DLGAP2: variants seen among roughly 807,000 people sequenced by gnomAD.
DLGAP2 encodes the protein disks large-associated protein 2.
In DLGAP2, 26 loss-of-function variants were observed where a neutral mutation model predicts 100.3. The observed-to-expected ratio is 0.26, with a 90% CI of 0.19 to 0.36. The LOEUF (loss-of-function observed/expected upper bound fraction) is 0.36, where lower values mean the gene tolerates loss of function less well. Ranked by LOEUF, DLGAP2 falls within the 10% of genes least tolerant of loss-of-function variation. The pLI is 1.00. For synonymous variants in DLGAP2, 886 were observed against 630.1 expected, an observed-to-expected ratio of 1.41 and a Z score of -6.08; for missense variants, 1,858 against 1,453.2, an observed-to-expected ratio of 1.28 and a Z score of -4.53.
At chr8:1,457,587 C>T (rs1798349827) in intron 3 of DLGAP2, among the ~76,000 whole-genome samples, 1 of 152,170 alleles carries the variant, frequency 6.6e-6, no homozygotes, top group African/African-American at 2.4e-5. Context: ...CGCAAACCAG[C>T]TTCATTTTGA....
chr8:945,923 A>G (rs917894235), intron 2 of DLGAP2, among the ~76,000 whole-genome samples: 9 of 152,104 alleles, frequency 5.9e-5, no homozygotes, highest in Non-Finnish European at 1.3e-4. Flanking sequence ...AGACATGGGA[A>G]GTTCCTGGAA....
At chr8:1,364,358 C>A (rs1213801035) in intron 3 of DLGAP2, among the ~76,000 whole-genome samples, 1 of 152,186 alleles carries the variant, frequency 6.6e-6, no homozygotes, top group Non-Finnish European at 1.5e-5. Flanking sequence ...TCGTGATCGT[C>A]AAGGGCTGCC....
chr8:1,290,271 GACGTGGCTACACACGGT>G (rs1800029323), intron 3 of DLGAP2, among the ~76,000 whole-genome samples: 1 of 152,198 alleles, frequency 6.6e-6, no homozygotes, highest in Admixed American at 6.5e-5. Context: ...TCGCGCTCCT[GACGTGGCTACACACGGT>G]GCATCCAATT....
At position 1,227,163 on chromosome 8, in the gene DLGAP2, T is replaced by G. The variant is rs1024062729; in HGVS notation, c.74-31688T>G. Among the ~76,000 whole-genome samples, 52 of 137,644 alleles carry G rather than the reference T, an allele frequency of 3.8e-4. 5 individuals are homozygous for G. The highest frequency in any genetic ancestry group is 1.3e-3 in the African/African-American group (45 of 34,574). 90.3% of individuals were successfully genotyped at this position (137,644 alleles called of 152,430 possible). A position where few individuals can be genotyped will look rare whatever the true frequency, so the allele number is the denominator to read the frequency against. ...GTAAGGAAACTGTGAGATATATATA[T>G]ATATATATATAGTATAGATATATAT... On this transcript the variant is annotated intron_variant, in intron 2 of 14. Transcript: ENST00000637795.
intron 2 of DLGAP2, among the ~76,000 whole-genome samples, chr8:1,120,444 T>A (rs73670645): frequency 7.0e-4 from 107 of 152,276 alleles, no homozygotes; most frequent in African/African-American, 2.0e-3. Flanking sequence ...GACTGTCCAT[T>A]CTAGACCCTT....
intron 1 of DLGAP2, among the ~76,000 whole-genome samples, chr8:904,974 C>T (rs1301137392): frequency 1.3e-5 from 2 of 152,200 alleles, no homozygotes; most frequent in East Asian, 3.9e-4. Flanking sequence ...CGGCAAGCGA[C>T]GTGTGCTCAG....
chr8:1,422,078 C>T (rs972427680), intron 3 of DLGAP2, among the ~76,000 whole-genome samples: 8 of 152,084 alleles, frequency 5.3e-5, no homozygotes, highest in African/African-American at 1.7e-4. Flanking sequence ...GGCGAGGCTG[C>T]GTTTGTTACT....
At chr8:1,456,399 C>G (rs1430154926) in intron 3 of DLGAP2, among the ~76,000 whole-genome samples, 1 of 152,160 alleles carries the variant, frequency 6.6e-6, no homozygotes, top group Non-Finnish European at 1.5e-5. Context: ...ATCTAAACAT[C>G]AAAGCATTTT....
chr8:772,512 G>A (rs905424821), intron 1 of DLGAP2, among the ~76,000 whole-genome samples: 2 of 151,780 alleles, frequency 1.3e-5, no homozygotes, highest in African/African-American at 2.4e-5. Flanking sequence ...TAGTAGAGAC[G>A]GGGTTTCACC....
At position 1,150,422 on chromosome 8, in the gene DLGAP2, C is replaced by G. The variant is rs111898140; in HGVS notation, c.74-108429C>G. 6.5e-3 allele frequency among the ~76,000 whole-genome samples: 984 copies of G among 152,330 alleles called. 9 individuals are homozygous for G. The highest frequency in any genetic ancestry group is 0.015 in the South Asian group (71 of 4,826). On this transcript the variant is annotated intron_variant, in intron 2 of 14. Coordinates refer to ENST00000637795, the MANE Select transcript of DLGAP2 (RefSeq NM_001346810.2). ...TTTGGTTTTTAAAAGTTTTACCCTG[C>G]TGTCCTAGGCATGGCTTTGTATCCA... is the stretch of plus-strand genomic sequence containing the variant.
At chr8:947,644 G>A (rs1388515428) in intron 2 of DLGAP2, among the ~76,000 whole-genome samples, 1 of 152,154 alleles carries the variant, frequency 6.6e-6, no homozygotes, top group Non-Finnish European at 1.5e-5. Flanking sequence ...TCCACGCGCG[G>A]CGCTGTCTGC....
intron 2 of DLGAP2, among the ~76,000 whole-genome samples, chr8:1,108,769 C>T (rs1393094996): frequency 3.2e-5 from 4 of 124,884 alleles, no homozygotes; most frequent in East Asian, 5.0e-4. Context: ...GAGGTGTGCA[C>T]GTGCCTATGA....
intron 2 of DLGAP2, among the ~76,000 whole-genome samples, chr8:1,031,223 G>A (rs1296125722): frequency 1.3e-5 from 2 of 152,072 alleles, no homozygotes; most frequent in Non-Finnish European, 2.9e-5. Context: ...ATCCCAGGGT[G>A]GCAAGAGAGG....
intron 2 of DLGAP2, among the ~76,000 whole-genome samples, chr8:1,017,707 C>T (rs572430678): frequency 6.6e-6 from 1 of 152,260 alleles, no homozygotes; most frequent in South Asian, 2.1e-4. Flanking sequence ...TTTCCATACC[C>T]AGGGCTGTAG....
intron 3 of DLGAP2, among the ~76,000 whole-genome samples, chr8:1,418,838 C>A (rs1436122206): frequency 6.6e-6 from 1 of 152,238 alleles, no homozygotes; most frequent in Non-Finnish European, 1.5e-5. Flanking sequence ...AAGACCAGGG[C>A]CAATCCCAAG....
chr8:1,227,415 C>T (rs1262190228), intron 2 of DLGAP2, among the ~76,000 whole-genome samples: 4 of 151,126 alleles, frequency 2.6e-5, no homozygotes, highest in Admixed American at 6.6e-5. Context: ...TTTCTCCGTA[C>T]ATTTACTTTG....
chr8:1,165,227 G>A (rs1281297099), intron 2 of DLGAP2, among the ~76,000 whole-genome samples: 1 of 150,976 alleles, frequency 6.6e-6, no homozygotes, highest in Non-Finnish European at 1.5e-5. Flanking sequence ...GGGGGCGGGA[G>A]GAACAGAGGC....
At chr8:1,311,657 G>A (rs558791448) in intron 3 of DLGAP2, among the ~76,000 whole-genome samples, 1 of 151,798 alleles carries the variant, frequency 6.6e-6, no homozygotes, top group Admixed American at 6.6e-5. Context: ...GCACATCTCA[G>A]TTGACACACG....
chr8:1,624,972 A>G (rs12549881), intron 6 of DLGAP2, among the ~76,000 whole-genome samples: 26,766 of 152,110 alleles, frequency 0.18, 3,094 homozygotes, highest in Non-Finnish European at 0.24. Context: ...AAAAATATTT[A>G]GCAGAAAGAA....
Sources: allele counts gnomAD v4.1 joint callset (sites outside exome capture counted in the v4.1 genomes callset), GRCh38; gene constraint gnomAD v4.1.1; transcripts MANE v1.5; gene names NCBI Gene and HGNC (gene_info 2026-07-23, HGNC 2026-07-21).